CEP57: variants seen among roughly 807,000 people sequenced by gnomAD.
CEP57 encodes the protein centrosomal protein 57.
A neutral mutation model predicts 68.0 loss-of-function variants in CEP57; 40 were observed. The ratio of observed to expected loss-of-function variants is 0.59; its 90% CI spans 0.46 to 0.77. The LOEUF (loss-of-function observed/expected upper bound fraction) is 0.77, where lower values mean the gene tolerates loss of function less well. Among genes scored for constraint, CEP57 ranks in the 30% least tolerant of loss-of-function variants. CEP57 has a pLI of 0.00. For synonymous variants in CEP57, 219 were observed against 198.7 expected, an observed-to-expected ratio of 1.10 and a Z score of -0.86; for missense variants, 606 against 580.7, an observed-to-expected ratio of 1.04 and a Z score of -0.45.
chr11:95,810,415 C>G (rs1442211200), intron 2 of CEP57, among the ~76,000 whole-genome samples: 1 of 152,158 alleles, frequency 6.6e-6, no homozygotes, highest in Non-Finnish European at 1.5e-5. Flanking sequence ...CAAATTGTCC[C>G]TGTTTGCAGA....
chr11:95,823,225 A>ATATT (rs1200735063), intron 8 of CEP57: 1 of 152,474 alleles, frequency 6.6e-6, no homozygotes, highest in African/African-American at 2.4e-5. Context: ...GTATTTGTTT[A>ATATT]TATTTATTTA....
At chr11:95,828,652 A>G (rs1047530343) in intron 9 of CEP57, among the ~76,000 whole-genome samples, 5 of 152,228 alleles carry the variant, frequency 3.3e-5, no homozygotes, top group Non-Finnish European at 7.3e-5. Context: ...GACTTTACAT[A>G]TACAATACTC....
At chr11:95,818,738 A>C (rs1164817100) in intron 5 of CEP57, 89 bp from the exon 6 acceptor site, 4 of 1,015,576 alleles carry the variant, frequency 3.9e-6, no homozygotes, top group Non-Finnish European at 6.2e-6. Context: ...GAGTAGGATA[A>C]AATTTACATG....
At chr11:95,815,505 G>T (rs1025687224) in intron 4 of CEP57, among the ~76,000 whole-genome samples, 2 of 138,714 alleles carry the variant, frequency 1.4e-5, no homozygotes, top group Non-Finnish European at 3.4e-5. Flanking sequence ...CTCCCTTATG[G>T]TATCTTTTTT....
At position 95,790,721 on chromosome 11, in the gene CEP57, C is replaced by T. The variant is rs751018904; in HGVS notation, c.23C>T (p.Ala8Val). The T allele has an allele frequency of 7.0e-5, 113 of 1,613,960 alleles. No homozygotes were observed. The highest frequency in any genetic ancestry group is 8.9e-5 in the Non-Finnish European group (105 of 1,180,006). MAAASVS[A>V]ASGSHLSNSF... Reference sequence around the variant, plus strand: ...AAGATGGCGGCGGCGTCTGTCTCTGCGGCTTCTGGTTCTCACTTGTCGGTA... The same window carrying T: ...AAGATGGCGGCGGCGTCTGTCTCTGTGGCTTCTGGTTCTCACTTGTCGGTA... Residue 8 changes from alanine to valine, a missense_variant, in exon 1 of 11, where the codon GCG (alanine) becomes GTG (valine). Transcript: ENST00000325542.
intron 1 of CEP57, among the ~76,000 whole-genome samples, chr11:95,797,252 C>T (rs1861391521): frequency 6.6e-6 from 1 of 151,006 alleles, no homozygotes; most frequent in East Asian, 2.0e-4. Flanking sequence ...CCACAACCTC[C>T]ACCTCCTGGG....
At chr11:95,817,115 C>G (rs893609272) in intron 4 of CEP57, among the ~76,000 whole-genome samples, 1 of 151,902 alleles carries the variant, frequency 6.6e-6, no homozygotes, top group Non-Finnish European at 1.5e-5. Context: ...CGCCTGTAAT[C>G]TCAGCACTTT....
At chr11:95,815,447 A>G (rs899976372) in intron 4 of CEP57, among the ~76,000 whole-genome samples, 38 of 151,654 alleles carry the variant, frequency 2.5e-4, no homozygotes, top group Non-Finnish European at 5.2e-4. Flanking sequence ...TAATTATTTG[A>G]TGTTTTCAAA....
rs759027318 is a variant in CEP57, at chr11:95,802,309, C to T, written c.202+2921C>T. Among the ~76,000 whole-genome samples, 7 of 147,938 alleles carry T rather than the reference C, an allele frequency of 4.7e-5. No homozygotes were observed. In the East Asian group the frequency reaches 9.9e-4, roughly 21 times the overall value. ...TCACTCTGTCACCCAGGCTGGAGTG[C>T]GGTGGCATGATCTTGGCTCACTACA... On this transcript the variant is annotated intron_variant, in intron 2 of 10. Coordinates refer to ENST00000325542, the MANE Select transcript of CEP57 (RefSeq NM_014679.5).
intron 4 of CEP57, among the ~76,000 whole-genome samples, chr11:95,815,973 CCTTT>C (rs936347414): frequency 4.6e-5 from 7 of 151,998 alleles, no homozygotes; most frequent in Non-Finnish European, 8.8e-5. Flanking sequence ...CTTTTGAGTT[CCTTT>C]CTCTTTTTTT....
At chr11:95,808,372 A>AT (rs1861903380) in intron 2 of CEP57, among the ~76,000 whole-genome samples, 1 of 152,210 alleles carries the variant, frequency 6.6e-6, no homozygotes, top group Non-Finnish European at 1.5e-5. Context: ...TAACAATATT[A>AT]ACCTTAAATG....
chr11:95,813,778 A>G lies in CEP57; in HGVS notation c.504+189A>G, dbSNP rs146534078. On this transcript the variant is annotated intron_variant, in intron 4 of 10. Coordinates refer to ENST00000325542, the MANE Select transcript of CEP57 (RefSeq NM_014679.5). ...TTGTTGTTATTGTTGTGTTTCGTAG[A>G]GTTTTACTTAAATGGTAAAAATACA... Among the ~76,000 whole-genome samples, 367 of 152,324 alleles carry G rather than the reference A, an allele frequency of 2.4e-3. 5 individuals are homozygous for G. The highest frequency in any genetic ancestry group is 8.5e-3 in the African/African-American group (353 of 41,560).
At chr11:95,795,227 T>C (rs1225838133) in intron 1 of CEP57, among the ~76,000 whole-genome samples, 5 of 152,334 alleles carry the variant, frequency 3.3e-5, no homozygotes, top group Admixed American at 1.3e-4. Flanking sequence ...CTGAATGTTA[T>C]GTTACTCCAT....
At chr11:95,807,313 C>T (rs376869280) in intron 2 of CEP57, among the ~76,000 whole-genome samples, 9 of 152,174 alleles carry the variant, frequency 5.9e-5, no homozygotes, top group East Asian at 5.8e-4. Flanking sequence ...CTCTTCTCCT[C>T]CAAAGGAACA....
intron 2 of CEP57, among the ~76,000 whole-genome samples, chr11:95,801,700 T>C (rs1022997714): frequency 1.3e-5 from 2 of 151,610 alleles, no homozygotes; most frequent in Admixed American, 1.3e-4. Context: ...ATAAGAAATA[T>C]TAAGAAGGCA....
intron 8 of CEP57, chr11:95,822,781 G>C (rs1862569472): frequency 1.8e-6 from 1 of 569,900 alleles, no homozygotes; most frequent in African/African-American, 1.9e-5. Context: ...CCTTAAAGTA[G>C]ATAAAGTATA....
intron 1 of CEP57, chr11:95,794,245 A>C: frequency 2.2e-6 from 1 of 455,776 alleles, no homozygotes; most frequent in South Asian, 1.5e-5. Context: ...TCTGGATTAC[A>C]GCTCAGTAGT....
At chr11:95,791,698 GAGA>G (rs1272997267) in intron 1 of CEP57, among the ~76,000 whole-genome samples, 6 of 152,212 alleles carry the variant, frequency 3.9e-5, no homozygotes, top group Non-Finnish European at 7.3e-5. Context: ...GGGTAGGCTA[GAGA>G]AGGTTTCCTA....
chr11:95,807,637 A>G (rs950056284), intron 2 of CEP57, among the ~76,000 whole-genome samples: 25 of 152,200 alleles, frequency 1.6e-4, no homozygotes, highest in African/African-American at 5.5e-4. Flanking sequence ...AGATCAAATG[A>G]ATGAAATGAA....
Sources: gnomAD v4.1 joint callset for allele counts (sites outside exome capture counted in the v4.1 genomes callset) on GRCh38, gnomAD v4.1.1 for gene constraint, MANE v1.5 for transcripts, NCBI Gene and HGNC (gene_info 2026-07-23, HGNC 2026-07-21) for gene names.